Variants in NKAIN2 observed in about 807,000 individuals in gnomAD.
NKAIN2 encodes sodium/potassium-transporting ATPase subunit beta-1-interacting protein 2.
NKAIN2 carries 14 observed loss-of-function variants against 32.6 expected under a neutral mutation model. The observed-to-expected ratio is 0.43, with a 90% confidence interval of 0.28 to 0.67. The LOEUF (loss-of-function observed/expected upper bound fraction) is 0.67. NKAIN2 is among the 30% of genes least tolerant of loss of function. NKAIN2 has a pLI of 0.17. For synonymous variants in NKAIN2, 80 were observed against 87.2 expected, an observed-to-expected ratio of 0.92 and a Z score of 0.46; for missense variants, 198 against 258.3, an observed-to-expected ratio of 0.77 and a Z score of 1.60.
intron 1 of NKAIN2, among the ~76,000 whole-genome samples, chr6:124,128,750 T>A (rs760372882): frequency 4.6e-5 from 7 of 152,236 alleles, no homozygotes; most frequent in Non-Finnish European, 1.0e-4. Context: ...TATTCCTGTA[T>A]GTTATTACTA....
At chr6:123,863,366 C>G (rs772533876) in intron 1 of NKAIN2, among the ~76,000 whole-genome samples, 1 of 152,026 alleles carries the variant, frequency 6.6e-6, no homozygotes, top group Non-Finnish European at 1.5e-5. Flanking sequence ...TTACCTATTC[C>G]CCTCACTCTT....
chr6:123,998,937 T>G (rs1363826016), intron 1 of NKAIN2, among the ~76,000 whole-genome samples: 1 of 151,940 alleles, frequency 6.6e-6, no homozygotes, highest in Non-Finnish European at 1.5e-5. Context: ...CTTTTGACAC[T>G]GTTTTCATTA....
At chr6:124,245,695 A>T (rs1350752780) in intron 1 of NKAIN2, among the ~76,000 whole-genome samples, 1 of 152,104 alleles carries the variant, frequency 6.6e-6, no homozygotes, top group Non-Finnish European at 1.5e-5. Flanking sequence ...CGAACATTCT[A>T]TAGTTTAATT....
chr6:123,870,985 G>T (rs1419912154), intron 1 of NKAIN2, among the ~76,000 whole-genome samples: 1 of 151,740 alleles, frequency 6.6e-6, no homozygotes, highest in African/African-American at 2.4e-5. Flanking sequence ...TATTTTTCTT[G>T]ATATTTGCTC....
intron 4 of NKAIN2, among the ~76,000 whole-genome samples, chr6:124,764,240 C>T (rs7740489): frequency 0.28 from 33,177 of 118,132 alleles, 3,877 homozygotes; most frequent in Admixed American, 0.37. Context: ...ATTGGCAACA[C>T]AGGCAGATTT....
intron 3 of NKAIN2, among the ~76,000 whole-genome samples, chr6:124,635,962 C>T (rs914685695): frequency 6.6e-6 from 1 of 151,980 alleles, no homozygotes; most frequent in African/African-American, 2.4e-5. Flanking sequence ...ATTTGCAGGA[C>T]ATTTCATGTA....
In NKAIN2 at chr6:124,208,554, G is replaced by A. The variant is rs919824020; in HGVS notation, c.55-74451G>A. Among the ~76,000 whole-genome samples, 7 of 151,120 alleles carry A rather than the reference G, an allele frequency of 4.6e-5. No homozygotes were observed. The East Asian group carries it at 1.2e-3, about 25-fold the overall frequency. Reference sequence around the variant, plus strand: ...AAAGTTAAAAATTTAAGCAATTCCAGTTAATAGATAATTATATTTAACAAT... The same window carrying A: ...AAAGTTAAAAATTTAAGCAATTCCAATTAATAGATAATTATATTTAACAAT... On this transcript the variant is annotated intron_variant, in intron 1 of 6. Coordinates refer to ENST00000368417, the MANE Select transcript of NKAIN2 (RefSeq NM_001040214.3).
intron 1 of NKAIN2, among the ~76,000 whole-genome samples, chr6:124,032,905 G>A (rs971934822): frequency 6.6e-6 from 1 of 151,752 alleles, no homozygotes; most frequent in Non-Finnish European, 1.5e-5. Context: ...TTTGCCTAAT[G>A]TTCTGTTTTT....
chr6:124,182,704 A>G (rs567206876), intron 1 of NKAIN2, among the ~76,000 whole-genome samples: 1 of 152,306 alleles, frequency 6.6e-6, no homozygotes, highest in Non-Finnish European at 1.5e-5. Context: ...TTTGACCTGA[A>G]ACTAATACAC....
chr6:123,922,946 G>A (rs1169211702), intron 1 of NKAIN2, among the ~76,000 whole-genome samples: 1 of 152,116 alleles, frequency 6.6e-6, no homozygotes, highest in Admixed American at 6.5e-5. Context: ...AATTATTTTT[G>A]TAGCTAGTAT....
chr6:124,534,886 G>A (rs898949124), intron 3 of NKAIN2, among the ~76,000 whole-genome samples: 2 of 152,002 alleles, frequency 1.3e-5, no homozygotes, highest in Non-Finnish European at 2.9e-5. Context: ...TGGGAGATTG[G>A]TTCCAGGACC....
chr6:123,835,789 A>AT (rs1321885059), intron 1 of NKAIN2, among the ~76,000 whole-genome samples: 3 of 152,040 alleles, frequency 2.0e-5, no homozygotes, highest in African/African-American at 4.8e-5. Flanking sequence ...CCTTATTATA[A>AT]TTTTTTGTAT....
chr6:124,244,388 G>A (rs916829537), intron 1 of NKAIN2, among the ~76,000 whole-genome samples: 41 of 151,464 alleles, frequency 2.7e-4, no homozygotes, highest in African/African-American at 6.6e-4. Context: ...ATGATTTCCA[G>A]TTTCATCCAT....
In NKAIN2 at chr6:124,710,013, A is replaced by G. The variant is rs978601927; in HGVS notation, c.474+51627A>G. On this transcript the variant is annotated intron_variant, in intron 4 of 6. Transcript: ENST00000368417. ...ACACACTGCTTCAAATGTGTCCCAG[A>G]GATTCTGGTATGTTGTGTCTTTGTT... 1.3e-4 allele frequency among the ~76,000 whole-genome samples: 19 copies of G among 151,784 alleles called. 1 individual carries two copies. The highest frequency in any genetic ancestry group is 1.1e-3 in the Admixed American group (17 of 15,244).
At chr6:123,992,066 T>A (rs1779436663) in intron 1 of NKAIN2, among the ~76,000 whole-genome samples, 1 of 152,070 alleles carries the variant, frequency 6.6e-6, no homozygotes, top group Non-Finnish European at 1.5e-5. Flanking sequence ...GAAACTAAAT[T>A]TTTTTGAATG....
At chr6:124,664,874 A>T (rs1772707648) in intron 4 of NKAIN2, among the ~76,000 whole-genome samples, 1 of 151,558 alleles carries the variant, frequency 6.6e-6, no homozygotes, top group African/African-American at 2.4e-5. Context: ...GAGTTCACAA[A>T]GAGAAGAAAT....
At chr6:124,680,229 T>C (rs1026989164) in intron 4 of NKAIN2, among the ~76,000 whole-genome samples, 1 of 152,130 alleles carries the variant, frequency 6.6e-6, no homozygotes, top group Non-Finnish European at 1.5e-5. Flanking sequence ...GTTTAAAATT[T>C]AAGGAATGTG....
chr6:124,533,605 AG>A (rs1364774483), intron 3 of NKAIN2, among the ~76,000 whole-genome samples: 1 of 151,932 alleles, frequency 6.6e-6, no homozygotes, highest in Non-Finnish European at 1.5e-5. Flanking sequence ...TTTATCTGCA[AG>A]TGGATCTAAT....
intron 1 of NKAIN2, among the ~76,000 whole-genome samples, chr6:124,142,368 C>T (rs1342739414): frequency 6.6e-6 from 1 of 152,118 alleles, no homozygotes; most frequent in African/African-American, 2.4e-5. Flanking sequence ...GAAATAAAAA[C>T]AAAACATTTT....
Sources: allele counts gnomAD v4.1 joint callset (sites outside exome capture counted in the v4.1 genomes callset), GRCh38; gene constraint gnomAD v4.1.1; transcripts MANE v1.5; gene names NCBI Gene and HGNC (gene_info 2026-07-23, HGNC 2026-07-21).